CCDC134: variants seen among roughly 807,000 people sequenced by gnomAD.
The protein encoded by CCDC134 is coiled-coil domain containing 134.
CCDC134 carries 27 observed loss-of-function variants against 25.6 expected under a neutral mutation model. That is an observed-to-expected ratio of 1.05 (90% CI 0.78 to 1.45). CCDC134 has a LOEUF of 1.45. Among genes scored for constraint, CCDC134 ranks in the 40% most tolerant of loss-of-function variants. The pLI, the probability that CCDC134 is intolerant of heterozygous loss-of-function variation, is 0.00. For synonymous variants in CCDC134, 110 were observed against 115.0 expected (o/e 0.96, Z 0.28); for missense variants, 261 against 286.7 (o/e 0.91, Z 0.65).
rs67246997 is a variant in CCDC134, at chr22:41,830,884, CTTTTTTTT to C, written c.*5076_*5083del. 8.5e-6 allele frequency among the ~76,000 whole-genome samples: 1 copy of C among 117,292 alleles called. No individual in the cohort carries two copies. Among genetic ancestry groups the C allele is most frequent in the African/African-American group, 3.9e-5 (1 of 25,456 alleles). 76.9% of individuals were successfully genotyped at this position (117,292 alleles called of 152,430 possible). ...AGATCCTTATTTTTTCTTTTCTTTT[CTTTTTTTT>C]TTTTTTTTTTTTTTGAGACGCAGTC... On this transcript the variant is annotated 3_prime_UTR_variant, in exon 7 of 7. Transcript: ENST00000255784.
At chr22:41,807,188 T>C (rs553236318) in intron 1 of CCDC134, among the ~76,000 whole-genome samples, 151 of 152,304 alleles carry the variant, frequency 9.9e-4, no homozygotes, top group African/African-American at 3.4e-3. Context: ...CAAGTTATAC[T>C]AGAGGAAAAC....
intron 1 of CCDC134, among the ~76,000 whole-genome samples, chr22:41,805,468 T>C (rs992141838): frequency 2.0e-5 from 3 of 152,178 alleles, no homozygotes; most frequent in Admixed American, 6.6e-5. Context: ...TGAATAGTTT[T>C]CAAATTTTAG....
In CCDC134 at chr22:41,828,160, G is replaced by A. The variant is rs1405706396; in HGVS notation, c.*2337G>A. 6.6e-6 allele frequency among the ~76,000 whole-genome samples: 1 copy of A among 152,142 alleles called. No individual in the cohort carries two copies. Among genetic ancestry groups the A allele is most frequent in the African/African-American group, 2.4e-5 (1 of 41,420 alleles). ...AGCTGGGCAACTGCAGAGCAATGGGGAAGCCAGCCCAGTGTGGTGGCAAGA... is the reference window on the plus strand; with the variant it reads ...AGCTGGGCAACTGCAGAGCAATGGGAAAGCCAGCCCAGTGTGGTGGCAAGA... On this transcript the variant is annotated 3_prime_UTR_variant, in exon 7 of 7. Transcript: ENST00000255784.
rs1305979287 is a variant in CCDC134, at chr22:41,830,678, CTATT to C, written c.*4857_*4860del. On this transcript the variant is annotated 3_prime_UTR_variant, in exon 7 of 7. Transcript: ENST00000255784. ...GCTTTCCCAAAAAATAAGACACTATCTATTTCTCATTAGTTATACACGTTCATTA... is the reference window on the plus strand; with the variant it reads ...GCTTTCCCAAAAAATAAGACACTATCTCTCATTAGTTATACACGTTCATTA... Among the ~76,000 whole-genome samples, 6 of 152,194 alleles carry C rather than the reference CTATT, an allele frequency of 3.9e-5. No homozygotes were observed. Among genetic ancestry groups the C allele is most frequent in the South Asian group, 2.1e-4 (1 of 4,830 alleles).
intron 1 of CCDC134, among the ~76,000 whole-genome samples, chr22:41,802,820 A>G (rs1003184777): frequency 1.1e-4 from 17 of 152,100 alleles, no homozygotes; most frequent in Non-Finnish European, 2.4e-4. Context: ...AGGCTGAGGC[A>G]GGAGAATGGC....
intron 1 of CCDC134, among the ~76,000 whole-genome samples, chr22:41,802,298 G>C (rs1339059306): frequency 1.3e-5 from 2 of 152,096 alleles, no homozygotes; most frequent in African/African-American, 2.4e-5. Flanking sequence ...AAACTTTACT[G>C]ATCAGTCATC....
intron 1 of CCDC134, among the ~76,000 whole-genome samples, chr22:41,805,437 TAA>T (rs139464918): frequency 0.053 from 8,040 of 151,586 alleles, 665 homozygotes; most frequent in African/African-American, 0.18. Context: ...AAAAATAAAA[TAA>T]AAAAAAGAAT....
chr22:41,806,579 A>C (rs1569353352), intron 1 of CCDC134, among the ~76,000 whole-genome samples: 1 of 152,088 alleles, frequency 6.6e-6, no homozygotes, highest in South Asian at 2.1e-4. Context: ...GAAATTTGTC[A>C]ATTTGTTATT....
At position 41,810,126 on chromosome 22, in the gene CCDC134, A is replaced by C. The variant is rs2076587417; in HGVS notation, c.226-81A>C. Reference sequence around the variant, plus strand: ...GGAACTGCGCACACGTAAGACTTGAAGTGGGGTTTAAATAAATGGGGATGG... The same window carrying C: ...GGAACTGCGCACACGTAAGACTTGACGTGGGGTTTAAATAAATGGGGATGG... On this transcript the variant is annotated intron_variant, in intron 3 of 6. Transcript: ENST00000255784. 4 of 1,592,438 alleles carry C rather than the reference A, an allele frequency of 2.5e-6. No individual in the cohort carries two copies. The South Asian group carries it at 4.4e-5, about 18-fold the overall frequency.
Position 41,831,557 on chromosome 22 carries a change from G to A in CCDC134, c.*5734G>A, listed in dbSNP as rs1569362058. 6.6e-6 allele frequency: 1 copy of A among 152,212 alleles called. No individual in the cohort carries two copies. The highest frequency in any genetic ancestry group is 1.5e-5 in the Non-Finnish European group (1 of 68,046). 9.4% of individuals were successfully genotyped at this position (152,212 alleles called of 1,614,324 possible). A position where few individuals can be genotyped will look rare whatever the true frequency, so the allele number is the denominator to read the frequency against. On this transcript the variant is annotated 3_prime_UTR_variant, in exon 7 of 7. Coordinates refer to ENST00000255784, the MANE Select transcript of CCDC134 (RefSeq NM_024821.5). ...TACTGTATGCCAAAGCTTATGCCGA[G>A]AGCTGGCTGCCAGCAGCTCCTCCTG... is the stretch of plus-strand genomic sequence containing the variant.
chr22:41,819,979 A>T (rs2076641580), intron 6 of CCDC134, among the ~76,000 whole-genome samples: 1 of 88,504 alleles, frequency 1.1e-5, no homozygotes, highest in Non-Finnish European at 2.4e-5. Flanking sequence ...ATATATATAT[A>T]TATATATATA....
rs902562192 is a variant in CCDC134, at chr22:41,832,127, G to A, written c.*6304G>A. 1 of 152,136 alleles carries A rather than the reference G, an allele frequency of 6.6e-6. No individual in the cohort carries two copies. The highest frequency in any genetic ancestry group is 2.4e-5 in the African/African-American group (1 of 41,416). 9.4% of individuals were successfully genotyped at this position (152,136 alleles called of 1,614,324 possible). A position where few individuals can be genotyped will look rare whatever the true frequency, so the allele number is the denominator to read the frequency against. ...TCCCTTTTATCAATATATTGTGAAC[G>A]CCTTTTCTTGCTAATAAATATACAT... On this transcript the variant is annotated 3_prime_UTR_variant, in exon 7 of 7. Coordinates refer to ENST00000255784, the MANE Select transcript of CCDC134 (RefSeq NM_024821.5).
At chr22:41,816,988 C>T (rs577269682) in intron 6 of CCDC134, among the ~76,000 whole-genome samples, 3 of 152,154 alleles carry the variant, frequency 2.0e-5, no homozygotes, top group Admixed American at 1.3e-4. Flanking sequence ...CCAGTTGTTG[C>T]CTACTATCAC....
At position 41,829,965 on chromosome 22, in the gene CCDC134, G is replaced by A. The variant is rs979206071; in HGVS notation, c.*4142G>A. On this transcript the variant is annotated 3_prime_UTR_variant, in exon 7 of 7. Coordinates refer to ENST00000255784, the MANE Select transcript of CCDC134 (RefSeq NM_024821.5). The stretch of plus-strand genomic sequence containing the variant: ...ATTTTTGTATTTTCAGTAGAGATGG[G>A]TTTCACCATATTGGCCAGGATGGTC... Among the ~76,000 whole-genome samples, 1 of 152,104 alleles carries A rather than the reference G, an allele frequency of 6.6e-6. No homozygotes were observed. The highest frequency in any genetic ancestry group is 2.4e-5 in the African/African-American group (1 of 41,404).
rs188405588 is a variant in CCDC134 at position 41,830,097 on chromosome 22, C to T, written c.*4274C>T. The stretch of plus-strand genomic sequence containing the variant: ...TCCATCTCTTTTCAGATGAAGAGCT[C>T]AGGTTCTGAGGAGTGACTTGTCAAA... On this transcript the variant is annotated 3_prime_UTR_variant, in exon 7 of 7. Coordinates refer to ENST00000255784, the MANE Select transcript of CCDC134 (RefSeq NM_024821.5). 3.2e-3 allele frequency among the ~76,000 whole-genome samples: 485 copies of T among 152,294 alleles called. 3 individuals carry two copies. Among genetic ancestry groups the T allele is most frequent in the Non-Finnish European group, 5.3e-3 (359 of 68,026 alleles).
Position 41,809,876 on chromosome 22 carries a change from C to G in CCDC134, c.104-3C>G. On this transcript the variant is annotated splice_region_variant and splice_polypyrimidine_tract_variant and intron_variant, in intron 2 of 6. Coordinates refer to ENST00000255784, the MANE Select transcript of CCDC134 (RefSeq NM_024821.5). ...GCCAGCCCCTTAACTTAATTCTGCC[C>G]AGACAAGAAGATGTTTGAGGTGAAG... 3 of 1,614,100 alleles carry G rather than the reference C, an allele frequency of 1.9e-6. No homozygotes were observed.
In CCDC134 at chr22:41,830,459, C is replaced by A. The variant is rs1300509230; in HGVS notation, c.*4636C>A. Among the ~76,000 whole-genome samples the A allele has an allele frequency of 6.6e-6, 1 of 152,138 alleles. No homozygotes were observed. The highest frequency in any genetic ancestry group is 1.5e-5 in the Non-Finnish European group (1 of 68,016). ...GTTGTATGGGAGTTGTTGCTGAATCCCCCCAGAGTACCAGTCACACACCAG... is the reference window on the plus strand; with the variant it reads ...GTTGTATGGGAGTTGTTGCTGAATCACCCCAGAGTACCAGTCACACACCAG... On this transcript the variant is annotated 3_prime_UTR_variant, in exon 7 of 7. Coordinates refer to ENST00000255784, the MANE Select transcript of CCDC134 (RefSeq NM_024821.5).
Position 41,813,955 on chromosome 22 carries a change from T to G in CCDC134, c.564+133T>G. The G allele has an allele frequency of 1.0e-5, 7 of 700,764 alleles. No individual in the cohort carries two copies. The South Asian group carries it at 1.2e-4, about 12-fold the overall frequency. The allele number at this position is 700,764 out of a possible 1,614,324, so 43.4% of individuals were successfully genotyped here. A position where few individuals can be genotyped will look rare whatever the true frequency, so the allele number is the denominator to read the frequency against. ...GCAGCCTGGGCCTGGGTCCAGAAGA[T>G]ATCACTGACTCATTGGAGCCTGTGG... On this transcript the variant is annotated intron_variant, in intron 6 of 6. Coordinates refer to ENST00000255784, the MANE Select transcript of CCDC134 (RefSeq NM_024821.5).
At chr22:41,822,050 G>A (rs886204426) in intron 6 of CCDC134, among the ~76,000 whole-genome samples, 1 of 152,148 alleles carries the variant, frequency 6.6e-6, no homozygotes, top group Non-Finnish European at 1.5e-5. Flanking sequence ...CGTGGTTATT[G>A]TAGGGCTAAG....
Sources: allele counts gnomAD v4.1 joint callset (sites outside exome capture counted in the v4.1 genomes callset), GRCh38; gene constraint gnomAD v4.1.1; transcripts MANE v1.5; gene names NCBI Gene and HGNC (gene_info 2026-07-23, HGNC 2026-07-21).